C16orf96: variants seen among roughly 807,000 people sequenced by gnomAD.
C16orf96 encodes chromosome 16 open reading frame 96.
Under a neutral mutation model 103.6 loss-of-function variants are expected in C16orf96, and 108 were observed. That is an observed-to-expected ratio of 1.04 (90% CI 0.89 to 1.22). The LOEUF is 1.22. C16orf96 is among the 50% of genes most tolerant of loss of function. The pLI is 0.00. For synonymous variants in C16orf96, 566 were observed against 593.5 expected (o/e 0.95, Z 0.67); for missense variants, 1,586 against 1,464.2 (o/e 1.08, Z -1.36).
rs542074737 is a variant in C16orf96 at position 4,580,263 on chromosome 16, T to G, written c.2352+138T>G. ...GAACCAGTGGGGCTTTACTGGCATT[T>G]TACTGTGTGTAAATTACACTTCAAT... On this transcript the variant is annotated intron_variant, in intron 7 of 15. Coordinates refer to ENST00000444310, the MANE Select transcript of C16orf96 (RefSeq NM_001145011.2). The G allele has an allele frequency of 3.0e-3, 1,755 of 591,230 alleles. 8 individuals carry two copies. Among genetic ancestry groups the G allele is most frequent in the Non-Finnish European group, 4.3e-3 (1,500 of 351,080 alleles). 36.6% of individuals were successfully genotyped at this position (591,230 alleles called of 1,614,324 possible). A position where few individuals can be genotyped will look rare whatever the true frequency, so the allele number is the denominator to read the frequency against.
At chr16:4,589,784 C>G (rs1175285592) in intron 9 of C16orf96, among the ~76,000 whole-genome samples, 1 of 152,106 alleles carries the variant, frequency 6.6e-6, no homozygotes, top group Non-Finnish European at 1.5e-5. Flanking sequence ...TGTTATCACA[C>G]TCAAATATTT....
rs74005360 is a variant in C16orf96 at position 4,556,841 on chromosome 16, G to T, written c.352G>T (p.Val118Phe). Residue 118 changes from valine (V) to phenylalanine (F), a missense_variant, in exon 1 of 16, where the codon GTC (valine) becomes TTC (phenylalanine). Physicochemically the swap from Val to Phe is conservative, Grantham distance 50. Transcript: ENST00000444310. Reference sequence around the variant, plus strand: ...AGCCAGCCAGGGCACTGCCCGGCCCGTCCAGGACCTGTGGCATCTGATCAA... The same window carrying T: ...AGCCAGCCAGGGCACTGCCCGGCCCTTCCAGGACCTGTGGCATCTGATCAA... ...LEASQGTARP[V>F]QDLWHLIKLR... 1.1e-3 allele frequency: 1,777 copies of T among 1,551,526 alleles called. 23 individuals carry two copies. In the African/African-American group the frequency reaches 0.021, roughly 19 times the overall value.
At chr16:4,543,271 G>C in the C16orf96 span, among the ~76,000 whole-genome samples, 1 of 152,144 alleles carries the variant, frequency 6.6e-6, no homozygotes, top group Non-Finnish European at 1.5e-5. Flanking sequence ...CAAAGTTGCA[G>C]AGAAATGAAA....
intron 2 of C16orf96, among the ~76,000 whole-genome samples, chr16:4,572,454 C>A (rs887600827): frequency 1.3e-5 from 2 of 151,876 alleles, no homozygotes; most frequent in African/African-American, 4.8e-5. Flanking sequence ...CGCCCGCCCC[C>A]ATGCCCGGCT....
intron 14 of C16orf96, among the ~76,000 whole-genome samples, chr16:4,598,327 G>A (rs1336548013): frequency 1.3e-5 from 2 of 151,498 alleles, no homozygotes; most frequent in Non-Finnish European, 1.5e-5. Context: ...CTGCAGCCTG[G>A]GCAAAAGAAT....
rs144626287 is a variant in C16orf96 at position 4,594,897 on chromosome 16, C to G, written c.3127+94C>G. On this transcript the variant is annotated intron_variant, in intron 14 of 15. Transcript: ENST00000444310. Reference sequence around the variant, plus strand: ...GTGCAGGTGGGGCCCAGAGCCAGCACTATCCCTGACCGGGGAGTCCTCACA... The same window carrying G: ...GTGCAGGTGGGGCCCAGAGCCAGCAGTATCCCTGACCGGGGAGTCCTCACA... The G allele has an allele frequency of 1.3e-4, 176 of 1,315,314 alleles. 1 individual carries two copies. The African/African-American group carries it at 2.0e-3, about 15-fold the overall frequency. The allele number at this position is 1,315,314 out of a possible 1,614,324, so 81.5% of individuals were successfully genotyped here.
At chr16:4,585,343 G>C (rs1392091667) in intron 7 of C16orf96, among the ~76,000 whole-genome samples, 2 of 146,744 alleles carry the variant, frequency 1.4e-5, no homozygotes, top group African/African-American at 5.0e-5. Context: ...TGCAGTCCCA[G>C]CTCCTCTGGA....
chr16:4,561,524 G>C (rs1210753620), intron 1 of C16orf96: 1 of 152,226 alleles, frequency 6.6e-6, no homozygotes, highest in Non-Finnish European at 1.5e-5. Context: ...CCCCTGGCCT[G>C]CCTTGATGGA....
At chr16:4,552,426 G>A (rs1236863504), upstream of C16orf96, among the ~76,000 whole-genome samples, 1 of 148,264 alleles carries the variant, frequency 6.7e-6, no homozygotes, top group Non-Finnish European at 1.5e-5. Flanking sequence ...AGGTTGCGGT[G>A]AGCCGAGATC....
At chr16:4,569,233 G>T (rs949695679) in intron 1 of C16orf96, among the ~76,000 whole-genome samples, 3 of 151,994 alleles carry the variant, frequency 2.0e-5, no homozygotes, top group African/African-American at 4.8e-5. Flanking sequence ...CTCCCAAAGT[G>T]CTGGGATTAC....
intron 1 of C16orf96, among the ~76,000 whole-genome samples, chr16:4,559,744 T>C (rs1375981978): frequency 1.3e-5 from 2 of 152,078 alleles, no homozygotes; most frequent in Non-Finnish European, 2.9e-5. Flanking sequence ...GAAAAAACCC[T>C]ATTTCCCCTT....
intron 9 of C16orf96, among the ~76,000 whole-genome samples, chr16:4,590,779 G>A (rs1897039531): frequency 6.6e-6 from 1 of 151,522 alleles, no homozygotes; most frequent in African/African-American, 2.4e-5. Flanking sequence ...AGCACTTTGG[G>A]AGGCTGAGGT....
rs1427621442 is a variant in C16orf96, at chr16:4,591,728, GA to G, written c.2657del (p.Lys886SerfsTer3). On this transcript the variant is annotated frameshift_variant, in exon 10 of 16. Coordinates refer to ENST00000444310, the MANE Select transcript of C16orf96 (RefSeq NM_001145011.2). LOFTEE classifies it high-confidence loss of function. ...EMEEVWKIVR[K>X]LLIEGLRLDP... ...TGGAAGAGGTCTGGAAAATCGTCCG[GA>G]AGCTGCTGATTGAGGGCTTAAGACT... 7 of 1,551,692 alleles carry G rather than the reference GA, an allele frequency of 4.5e-6. No individual in the cohort carries two copies. The South Asian group carries it at 8.3e-5, about 18-fold the overall frequency.
chr16:4,556,772 C>G lies in C16orf96; in HGVS notation c.283C>G (p.Leu95Val). The part of the protein sequence containing the change: ...VSRLDKLENQ[L>V]ALLQDLPSTA... ...CCGCCTCGACAAGTTGGAGAACCAG[C>G]TGGCCCTGCTGCAGGACCTGCCCTC... The change falls in exon 1 of 16, where the codon CTG (leucine) becomes GTG (valine). Residue 95 changes from leucine (L) to valine (V), a missense_variant. Physicochemically the swap from Leu to Val is conservative, Grantham distance 32. Coordinates refer to ENST00000444310, the MANE Select transcript of C16orf96 (RefSeq NM_001145011.2). 6.4e-7 allele frequency: 1 copy of G among 1,551,734 alleles called. No individual in the cohort carries two copies. Among genetic ancestry groups the G allele is most frequent in the Non-Finnish European group, 8.7e-7 (1 of 1,147,014 alleles).
At chr16:4,540,288 G>T in the C16orf96 span, among the ~76,000 whole-genome samples, 1 of 152,212 alleles carries the variant, frequency 6.6e-6, no homozygotes, top group African/African-American at 2.4e-5. Flanking sequence ...CTCAGAGGAG[G>T]CGATGCTGAG....
chr16:4,594,746 G>A lies in C16orf96; in HGVS notation c.3070G>A (p.Gly1024Ser). 4 of 1,551,222 alleles carry A rather than the reference G, an allele frequency of 2.6e-6. No individual in the cohort carries two copies. The highest frequency in any genetic ancestry group is 2.6e-6 in the Non-Finnish European group (3 of 1,146,914). The change falls in exon 14 of 16, where the codon GGC becomes AGC. Residue 1024 changes from glycine (G) to serine (S), a missense_variant. Coordinates refer to ENST00000444310, the MANE Select transcript of C16orf96 (RefSeq NM_001145011.2). Reference sequence around the variant, plus strand: ...GGGCGTGGATGGGATCCTGTACAAAGGCCGCGTGAACAGCCAGCGTGGGGC... The same window carrying A: ...GGGCGTGGATGGGATCCTGTACAAAAGCCGCGTGAACAGCCAGCGTGGGGC... ...ILGVDGILYK[G>S]RVNSQRGAQP...
intron 7 of C16orf96, among the ~76,000 whole-genome samples, chr16:4,584,877 G>T (rs1401732556): frequency 6.6e-6 from 1 of 152,054 alleles, no homozygotes; most frequent in African/African-American, 2.4e-5. Flanking sequence ...CACCATGTTG[G>T]CTAGGCTGGT....
chr16:4,594,548 G>T (rs1048953136), intron 13 of C16orf96, 38 bp downstream of exon 13: 3 of 1,545,244 alleles, frequency 1.9e-6, no homozygotes, highest in Non-Finnish European at 2.6e-6. Flanking sequence ...GAGGGTGGAC[G>T]TCAGCGCACC....
At chr16:4,599,223 G>C (rs1340353407) in intron 14 of C16orf96, 61 bp from the exon 15 acceptor site, 4 of 1,454,132 alleles carry the variant, frequency 2.8e-6, no homozygotes, top group Admixed American at 2.0e-5. Context: ...TGCTGGGATC[G>C]GCCTGACACA....
Sources: gnomAD v4.1 joint callset for allele counts (sites outside exome capture counted in the v4.1 genomes callset) on GRCh38, gnomAD v4.1.1 for gene constraint, MANE v1.5 for transcripts, NCBI Gene and HGNC (gene_info 2026-07-23, HGNC 2026-07-21) for gene names.